Variants in LIMS1 observed in about 807,000 individuals in gnomAD.
LIMS1 encodes the protein LIM and senescent cell antigen-like-containing domain protein 1.
A neutral mutation model predicts 44.1 loss-of-function variants in LIMS1; 18 were observed. The observed-to-expected ratio is 0.41, with a 90% CI of 0.28 to 0.61. The LOEUF (loss-of-function observed/expected upper bound fraction) is 0.61. Ranked by LOEUF, LIMS1 falls within the 20% of genes least tolerant of loss-of-function variation. The pLI is 0.32. For synonymous variants in LIMS1, 93 were observed against 149.1 expected (o/e 0.62, Z 2.74); for missense variants, 201 against 422.0 (o/e 0.48, Z 4.59).
intron 2 of LIMS1, among the ~76,000 whole-genome samples, chr2:108,665,452 A>G (rs1691683468): frequency 6.6e-6 from 1 of 152,212 alleles, no homozygotes; most frequent in African/African-American, 2.4e-5. Context: ...TATCTGGCGG[A>G]TGACTGCATA....
intron 1 of LIMS1, among the ~76,000 whole-genome samples, chr2:108,645,833 A>C (rs1016771602): frequency 6.6e-6 from 1 of 152,050 alleles, no homozygotes; most frequent in East Asian, 1.9e-4. Flanking sequence ...AAAAAAAAAA[A>C]ACCCAGGAGT....
At chr2:108,650,789 G>C (rs2378206) in intron 1 of LIMS1, among the ~76,000 whole-genome samples, 13 of 152,294 alleles carry the variant, frequency 8.5e-5, no homozygotes, top group South Asian at 8.3e-4. Context: ...AAACAACCTT[G>C]TTCACTCAGC....
At chr2:108,557,971 G>A (rs1432086410) in intron 1 of LIMS1, among the ~76,000 whole-genome samples, 1 of 152,210 alleles carries the variant, frequency 6.6e-6, no homozygotes, top group Non-Finnish European at 1.5e-5. Flanking sequence ...AAGGCTGAAT[G>A]TATGAAGGGG....
At chr2:108,637,099 ATGTGTGTGTGTGTGTGTG>A (rs74315160) in intron 1 of LIMS1, among the ~76,000 whole-genome samples, 7 of 98,524 alleles carry the variant, frequency 7.1e-5, no homozygotes, top group South Asian at 6.5e-4. Flanking sequence ...ATATACATAT[ATGTGTGTGTGTGTGTGTG>A]TGTGTGTGTG....
At chr2:108,573,412 T>C (rs1685556502) in intron 1 of LIMS1, among the ~76,000 whole-genome samples, 2 of 151,978 alleles carry the variant, frequency 1.3e-5, no homozygotes, top group South Asian at 4.1e-4. Context: ...GCGTAAGAAA[T>C]GAAAGGAAAC....
intron 2 of LIMS1, among the ~76,000 whole-genome samples, chr2:108,666,771 C>G (rs1292181648): frequency 1.3e-5 from 2 of 148,776 alleles, no homozygotes; most frequent in East Asian, 2.0e-4. Flanking sequence ...CCTGAAAAAA[C>G]AGGGCAAGAC....
chr2:108,569,042 C>T (rs1685392051), intron 1 of LIMS1, among the ~76,000 whole-genome samples: 1 of 152,128 alleles, frequency 6.6e-6, no homozygotes, highest in African/African-American at 2.4e-5. Context: ...CAGGCACGCA[C>T]CACCATGCCC....
At chr2:108,591,986 A>C (rs1686428070) in intron 1 of LIMS1, among the ~76,000 whole-genome samples, 1 of 151,808 alleles carries the variant, frequency 6.6e-6, no homozygotes, top group South Asian at 2.1e-4. Flanking sequence ...GTAGAGACGA[A>C]GTTTCACCAT....
chr2:108,556,751 C>T lies in LIMS1; in HGVS notation c.32+22157C>T, dbSNP rs138364688. Among the ~76,000 whole-genome samples, 752 of 152,294 alleles carry T rather than the reference C, an allele frequency of 4.9e-3. 8 individuals carry two copies. The highest frequency in any genetic ancestry group is 0.017 in the African/African-American group (711 of 41,564). ...CAGAATGTTAGCAAGCTGACAACTG[C>T]GTCTGCTGCCCAGAAGGAATGCTGA... On this transcript the variant is annotated intron_variant, in intron 1 of 9. Transcript: ENST00000544547.
At chr2:108,640,973 C>G (rs559196416) in intron 1 of LIMS1, among the ~76,000 whole-genome samples, 2 of 152,134 alleles carry the variant, frequency 1.3e-5, no homozygotes, top group African/African-American at 4.8e-5. Context: ...ACCAACTCTG[C>G]GTTCTAATTC....
At chr2:108,581,401 C>T (rs1227429917) in intron 1 of LIMS1, among the ~76,000 whole-genome samples, 3 of 152,172 alleles carry the variant, frequency 2.0e-5, no homozygotes, top group Non-Finnish European at 4.4e-5. Context: ...TTTGCTTCTA[C>T]GTTTCCCAGT....
At chr2:108,544,599 A>T (rs555730895) in intron 1 of LIMS1, among the ~76,000 whole-genome samples, 11 of 152,022 alleles carry the variant, frequency 7.2e-5, no homozygotes, top group Non-Finnish European at 1.6e-4. Context: ...GGTTCAAGCG[A>T]TTCTCCTGCC....
chr2:108,558,671 T>C (rs997067495), intron 1 of LIMS1, among the ~76,000 whole-genome samples: 2 of 131,742 alleles, frequency 1.5e-5, no homozygotes, highest in Admixed American at 8.9e-5. Flanking sequence ...TTTATTTATT[T>C]TTAATTTTTT....
intron 1 of LIMS1, among the ~76,000 whole-genome samples, chr2:108,634,707 A>G (rs879586165): frequency 2.0e-5 from 3 of 152,174 alleles, no homozygotes; most frequent in African/African-American, 4.8e-5. Flanking sequence ...GCTTCATTCT[A>G]TTGTGGGAGT....
chr2:108,535,064 A>G (rs953475433), intron 1 of LIMS1, among the ~76,000 whole-genome samples: 1 of 152,206 alleles, frequency 6.6e-6, no homozygotes, highest in African/African-American at 2.4e-5. Flanking sequence ...CGTACATACC[A>G]CATTTTTATG....
intron 1 of LIMS1, among the ~76,000 whole-genome samples, chr2:108,630,712 C>A (rs1484154921): frequency 6.6e-6 from 1 of 150,494 alleles, no homozygotes; most frequent in South Asian, 2.1e-4. Flanking sequence ...CCCTGAGATT[C>A]CCTCTGCTGT....
intron 1 of LIMS1, among the ~76,000 whole-genome samples, chr2:108,597,837 C>T (rs528867411): frequency 5.2e-4 from 79 of 151,812 alleles, no homozygotes; most frequent in South Asian, 4.8e-3. Context: ...GGATTACAGG[C>T]GCCCGCTGCC....
At chr2:108,599,997 T>C (rs1481220256) in intron 1 of LIMS1, among the ~76,000 whole-genome samples, 169 of 149,876 alleles carry the variant, frequency 1.1e-3, no homozygotes, top group African/African-American at 4.0e-3. Context: ...TTTCTCTTTG[T>C]TGACTGTTTT....
intron 2 of LIMS1, among the ~76,000 whole-genome samples, chr2:108,668,210 A>C (rs947979565): frequency 3.3e-5 from 5 of 152,250 alleles, no homozygotes; most frequent in Admixed American, 2.6e-4. Flanking sequence ...AAGAACATTC[A>C]AAATATCCCT....
Sources: allele counts gnomAD v4.1 joint callset (sites outside exome capture counted in the v4.1 genomes callset), GRCh38; gene constraint gnomAD v4.1.1; transcripts MANE v1.5; gene names NCBI Gene and HGNC (gene_info 2026-07-23, HGNC 2026-07-21).